Variants in ABR observed in about 807,000 individuals in gnomAD.
ABR encodes the protein active breakpoint cluster region-related protein.
A neutral mutation model predicts 107.2 loss-of-function variants in ABR; 35 were observed. That is an observed-to-expected ratio of 0.33 (90% confidence interval 0.25 to 0.43). The LOEUF is 0.43. Ranked by LOEUF, ABR falls within the 20% of genes least tolerant of loss-of-function variation. ABR has a pLI of 1.00. For synonymous variants in ABR, 498 were observed against 462.0 expected, an observed-to-expected ratio of 1.08 and a Z score of -1.00; for missense variants, 815 against 1,115.2, an observed-to-expected ratio of 0.73 and a Z score of 3.83.
chr17:1,104,340 CCA>C (rs578200538), intron 2 of ABR, among the ~76,000 whole-genome samples: 169 of 152,336 alleles, frequency 1.1e-3, no homozygotes, highest in African/African-American at 3.8e-3. Flanking sequence ...GCCTGGTCCT[CCA>C]CAGAGTTGAG....
intron 1 of ABR, among the ~76,000 whole-genome samples, chr17:1,129,215 C>G (rs1009463928): frequency 6.6e-6 from 1 of 152,116 alleles, no homozygotes; most frequent in Non-Finnish European, 1.5e-5. Context: ...AGCATTAGGA[C>G]AAATACCTAA....
In ABR at chr17:1,084,246, G is replaced by A. The variant is rs901017160; in HGVS notation, c.532-619C>T. Among the ~76,000 whole-genome samples the A allele has an allele frequency of 2.0e-5, 3 of 152,204 alleles. No homozygotes were observed. The highest frequency in any genetic ancestry group is 6.5e-5 in the Admixed American group (1 of 15,276). ...ACAAAAATTAGCTGGGCATGGTGGC[G>A]CGTGCCTGTAATCCCAGGTACTCAG... On this transcript the variant is annotated intron_variant, in intron 4 of 22. Transcript: ENST00000302538. This position sits in a 1 kb window ranked among gnomAD's most constrained non-coding sequence, Gnocchi z 4.2.
At chr17:1,180,543 G>T (rs1476498598), upstream of ABR, among the ~76,000 whole-genome samples, 3 of 152,216 alleles carry the variant, frequency 2.0e-5, no homozygotes, top group East Asian at 5.8e-4. Context: ...AGTCACGGGG[G>T]CTGTGGGGCC....
chr17:1,184,801 T>C (rs1245300851), upstream of ABR: 1 of 152,070 alleles, frequency 6.6e-6, no homozygotes, highest in African/African-American at 2.4e-5. Context: ...AGTGCTGGGA[T>C]TATAGATGTG....
At chr17:1,126,301 C>G (rs953174563) in intron 1 of ABR, 3 of 152,414 alleles carry the variant, frequency 2.0e-5, no homozygotes, top group Non-Finnish European at 2.9e-5. Context: ...CAAACCGGCC[C>G]CTGCCCCTTG....
At chr17:1,175,281 G>A (rs187292399) in intron 1 of ABR, among the ~76,000 whole-genome samples, 74 of 152,170 alleles carry the variant, frequency 4.9e-4, no homozygotes, top group Non-Finnish European at 9.7e-4. Context: ...GTGTGGTGGC[G>A]GGCACCTGTA....
At chr17:1,061,654 CT>C (rs2033941849) in intron 10 of ABR, among the ~76,000 whole-genome samples, 1 of 151,954 alleles carries the variant, frequency 6.6e-6, no homozygotes, top group Admixed American at 6.6e-5. Flanking sequence ...TCACACAATT[CT>C]TTTGCCTCAG....
chr17:1,160,736 T>A (rs1450982998), intron 1 of ABR, among the ~76,000 whole-genome samples: 1 of 152,158 alleles, frequency 6.6e-6, no homozygotes, highest in Non-Finnish European at 1.5e-5. Flanking sequence ...GGAGCTCACA[T>A]TCAGGTTAAT....
In ABR at chr17:1,137,529, T is replaced by C. The variant is rs2040124195; in HGVS notation, c.62-12162A>G. Among the ~76,000 whole-genome samples, 2 of 152,092 alleles carry C rather than the reference T, an allele frequency of 1.3e-5. 1 individual carries two copies. The highest frequency in any genetic ancestry group is 4.2e-4 in the South Asian group (2 of 4,818). On this transcript the variant is annotated intron_variant, in intron 1 of 22. Coordinates refer to ENST00000302538, the MANE Select transcript of ABR (RefSeq NM_021962.5). ...AGCCAGAACACACAACGTTCATAGA[T>C]GAAGGTTGCCGGGTCCGGTCTGTGG...
intron 1 of ABR, among the ~76,000 whole-genome samples, chr17:1,128,197 T>A (rs2039679720): frequency 6.6e-6 from 1 of 152,040 alleles, no homozygotes. Context: ...CCCAGGAGAC[T>A]CCAACCAGGA....
rs929316385 is a variant in ABR, at chr17:1,058,659, C to T, written c.1305+86G>A. ...GAAGAGGGGGCCTGAGTTTCCGGTT[C>T]GTACAGGTCAGGGCCAGGAGCCACA... On this transcript the variant is annotated intron_variant, in intron 11 of 22. Coordinates refer to ENST00000302538, the MANE Select transcript of ABR (RefSeq NM_021962.5). 4.6e-6 allele frequency: 7 copies of T among 1,514,766 alleles called. No homozygotes were observed. In the South Asian group the frequency reaches 7.8e-5, roughly 17 times the overall value. The allele number at this position is 1,514,766 out of a possible 1,614,324, so 93.8% of individuals were successfully genotyped here.
At chr17:1,158,624 G>GT (rs1399682679) in intron 1 of ABR, among the ~76,000 whole-genome samples, 3 of 151,812 alleles carry the variant, frequency 2.0e-5, no homozygotes, top group Admixed American at 6.6e-5. Context: ...TTAGCCAGGC[G>GT]TGATGGTGGG....
At chr17:1,074,843 G>A (rs1215057572) in intron 6 of ABR, among the ~76,000 whole-genome samples, 1 of 152,240 alleles carries the variant, frequency 6.6e-6, no homozygotes, top group Non-Finnish European at 1.5e-5. Context: ...CTATTTGGGA[G>A]GCTGAGGCAG....
chr17:1,091,938 C>T, intron 3 of ABR, 88 bp from the exon 4 acceptor site: 4 of 1,369,334 alleles, frequency 2.9e-6, no homozygotes, highest in Middle Eastern at 2.5e-4. Context: ...TTAGCCCTTC[C>T]CGCTGCCCAA....
intron 16 of ABR, among the ~76,000 whole-genome samples, chr17:1,032,671 GAGA>G (rs1201010571): frequency 1.7e-5 from 2 of 117,834 alleles, no homozygotes; most frequent in East Asian, 2.1e-4. Flanking sequence ...CCTTGAGAGA[GAGA>G]AGAACTTGTT....
In ABR at chr17:1,150,791, C is replaced by T. The variant is rs761904035; in HGVS notation, c.62-25424G>A. Among the ~76,000 whole-genome samples, 1 of 152,162 alleles carries T rather than the reference C, an allele frequency of 6.6e-6. No individual in the cohort carries two copies. On this transcript the variant is annotated intron_variant, in intron 1 of 22. Transcript: ENST00000302538. This position sits in a 1 kb window ranked among gnomAD's most constrained non-coding sequence, Gnocchi z 4.8. Reference sequence around the variant, plus strand: ...AAGGGAGGAGCATCACGCACACAGACGCCGGACTCCCTAGGTTCTGCAAAC... The same window carrying T: ...AAGGGAGGAGCATCACGCACACAGATGCCGGACTCCCTAGGTTCTGCAAAC...
upstream of ABR, among the ~76,000 whole-genome samples, chr17:1,181,301 C>T (rs561698061): frequency 3.4e-4 from 52 of 152,332 alleles, no homozygotes; most frequent in African/African-American, 9.6e-4. Flanking sequence ...GCCTCTGCAG[C>T]TGCCCCAGGG....
chr17:1,180,773 C>A (rs1364783103), upstream of ABR, among the ~76,000 whole-genome samples: 1 of 152,216 alleles, frequency 6.6e-6, no homozygotes, highest in Non-Finnish European at 1.5e-5. Flanking sequence ...TAAGGAAGAC[C>A]CCCTCGCCCA....
rs968436157 is a variant in ABR at position 1,020,295 on chromosome 17, C to G, written c.1792-7131G>C. 1.4e-4 allele frequency among the ~76,000 whole-genome samples: 22 copies of G among 152,336 alleles called. No individual in the cohort carries two copies. In the South Asian group the frequency reaches 4.3e-3, roughly 30 times the overall value. ...ACGGGGTTTCACCGTGTTGGCCAGGCTGGTCTCCAACTCCTGACCTCAGGT... is the reference window on the plus strand; with the variant it reads ...ACGGGGTTTCACCGTGTTGGCCAGGGTGGTCTCCAACTCCTGACCTCAGGT... On this transcript the variant is annotated intron_variant, in intron 16 of 22. Transcript: ENST00000302538.
Sources: allele counts gnomAD v4.1 joint callset (sites outside exome capture counted in the v4.1 genomes callset), GRCh38; gene constraint gnomAD v4.1.1; non-coding constraint Gnocchi (gnomAD v3.1); transcripts MANE v1.5; gene names NCBI Gene and HGNC (gene_info 2026-07-23, HGNC 2026-07-21).